BMPER: variants seen among roughly 807,000 people sequenced by gnomAD.
BMPER encodes the protein BMP-binding endothelial regulator protein.
In BMPER, 45 loss-of-function variants were observed where a neutral mutation model predicts 87.3. That is an observed-to-expected ratio of 0.52 (90% confidence interval 0.41 to 0.66). BMPER has a LOEUF of 0.66. BMPER is among the 30% of genes least tolerant of loss of function. The pLI is 0.00. For missense variants in BMPER, 784 were observed against 867.5 expected (o/e 0.90, Z 1.21); for synonymous variants, 326 against 316.2 (o/e 1.03, Z -0.33).
chr7:33,999,352 C>T (rs892013141), intron 6 of BMPER, among the ~76,000 whole-genome samples: 1 of 152,156 alleles, frequency 6.6e-6, no homozygotes, highest in Non-Finnish European at 1.5e-5. Context: ...GAATTAAACC[C>T]AACAATTTCA....
intron 6 of BMPER, among the ~76,000 whole-genome samples, chr7:34,022,233 C>G (rs564809263): frequency 2.6e-5 from 4 of 151,994 alleles, no homozygotes; most frequent in Non-Finnish European, 4.4e-5. Context: ...ACGATTCCCA[C>G]TTAGTAAGAT....
At chr7:34,114,388 A>G (rs887238601) in intron 13 of BMPER, among the ~76,000 whole-genome samples, 1 of 152,222 alleles carries the variant, frequency 6.6e-6, no homozygotes, top group Non-Finnish European at 1.5e-5. Flanking sequence ...AATCTTGCTC[A>G]TGTTAGCACT....
chr7:34,046,248 G>A, intron 6 of BMPER, 58 bp from the exon 7 acceptor site: 2 of 1,520,372 alleles, frequency 1.3e-6, no homozygotes, highest in Non-Finnish European at 9.1e-7. Context: ...TATCTTGGTT[G>A]TACAATCTAC....
At chr7:34,121,959 A>ATT (rs11444838) in intron 13 of BMPER, among the ~76,000 whole-genome samples, 4,320 of 148,558 alleles carry the variant, frequency 0.029, 83 homozygotes, top group Admixed American at 0.053. Context: ...CATCTCTACA[A>ATT]TTTTTTTTTT....
At chr7:34,151,700 T>C (rs1161414517) in intron 14 of BMPER, among the ~76,000 whole-genome samples, 1 of 152,206 alleles carries the variant, frequency 6.6e-6, no homozygotes, top group Admixed American at 6.5e-5. Flanking sequence ...AGCAGGTGTT[T>C]ACCTAGAGTC....
intron 13 of BMPER, among the ~76,000 whole-genome samples, chr7:34,130,186 GTC>G (rs10583920): frequency 0.77 from 114,741 of 149,120 alleles, 44,050 homozygotes; most frequent in East Asian, 0.94. Context: ...TCTTGATTCT[GTC>G]TCTCTCTCTC....
chr7:33,988,649 TACACGTGCAC>T (rs1786088380), intron 6 of BMPER, among the ~76,000 whole-genome samples: 1 of 152,120 alleles, frequency 6.6e-6, no homozygotes, highest in African/African-American at 2.4e-5. Context: ...AGTTTTAGGG[TACACGTGCAC>T]ATTGTGCAGG....
chr7:34,136,910 C>T (rs529139928), intron 13 of BMPER, among the ~76,000 whole-genome samples: 3 of 152,328 alleles, frequency 2.0e-5, no homozygotes, highest in East Asian at 1.9e-4. Context: ...GGTAATACAT[C>T]TGTCGTTCAA....
chr7:34,020,859 AACACACACACACAC>A (rs61345180), intron 6 of BMPER, among the ~76,000 whole-genome samples: 5 of 146,844 alleles, frequency 3.4e-5, no homozygotes, highest in South Asian at 2.2e-4. Flanking sequence ...TGAATTTCTT[AACACACACACACAC>A]ACACACACAC....
chr7:33,957,226 C>A (rs1785167721), intron 3 of BMPER, among the ~76,000 whole-genome samples: 1 of 151,518 alleles, frequency 6.6e-6, no homozygotes. Context: ...AGTGGTTAAA[C>A]CAACTGTGGT....
At chr7:33,961,104 C>T (rs2128616276) in intron 3 of BMPER, among the ~76,000 whole-genome samples, 1 of 152,222 alleles carries the variant, frequency 6.6e-6, no homozygotes. Context: ...AATAAGGGAC[C>T]AGCATGTGCA....
intron 6 of BMPER, among the ~76,000 whole-genome samples, chr7:34,009,397 C>G (rs1786819760): frequency 6.6e-6 from 1 of 151,812 alleles, no homozygotes; most frequent in Admixed American, 6.6e-5. Context: ...TGAGGGTGCT[C>G]TATTAGTGGA....
chr7:34,152,536 C>T (rs1197785759), intron 14 of BMPER, among the ~76,000 whole-genome samples: 1 of 152,210 alleles, frequency 6.6e-6, no homozygotes, highest in Non-Finnish European at 1.5e-5. Context: ...GTCCTCCCTG[C>T]AGTCACATAT....
chr7:34,070,010 C>T (rs537104580), intron 11 of BMPER, among the ~76,000 whole-genome samples: 2 of 152,276 alleles, frequency 1.3e-5, no homozygotes, highest in African/African-American at 4.8e-5. Context: ...GTGCAAGTAT[C>T]TGTTGTTTTA....
chr7:34,084,322 G>A (rs1242342020), intron 12 of BMPER, among the ~76,000 whole-genome samples: 1 of 152,112 alleles, frequency 6.6e-6, no homozygotes, highest in African/African-American at 2.4e-5. Flanking sequence ...CAAAACACAT[G>A]GCCACACGGG....
intron 13 of BMPER, among the ~76,000 whole-genome samples, chr7:34,133,578 T>G (rs1790647006): frequency 6.6e-6 from 1 of 152,102 alleles, no homozygotes; most frequent in African/African-American, 2.4e-5. Flanking sequence ...TCCAGCAAAT[T>G]AACTGGATCC....
intron 14 of BMPER, among the ~76,000 whole-genome samples, chr7:34,146,410 A>G (rs1290207899): frequency 1.3e-5 from 2 of 151,610 alleles, no homozygotes; most frequent in Non-Finnish European, 3.0e-5. Context: ...CCCGCCACCT[A>G]TGGCACAAAG....
chr7:33,965,823 C>T (rs1228977352), intron 3 of BMPER, among the ~76,000 whole-genome samples: 2 of 152,010 alleles, frequency 1.3e-5, no homozygotes, highest in Non-Finnish European at 1.5e-5. Flanking sequence ...AGATCTCTGG[C>T]CTTTGACTTC....
chr7:34,058,994 T>C (rs983264936), intron 10 of BMPER, among the ~76,000 whole-genome samples: 14 of 151,482 alleles, frequency 9.2e-5, no homozygotes, highest in Non-Finnish European at 1.3e-4. Flanking sequence ...GCTGTTGCTA[T>C]TGCACAACTG....
Sources: allele counts gnomAD v4.1 joint callset (sites outside exome capture counted in the v4.1 genomes callset), GRCh38; gene constraint gnomAD v4.1.1; transcripts MANE v1.5; gene names NCBI Gene and HGNC (gene_info 2026-07-23, HGNC 2026-07-21).